Variants in ADAMTS18 observed in about 807,000 individuals in gnomAD.
ADAMTS18 encodes the protein A disintegrin and metalloproteinase with thrombospondin motifs 18.
ADAMTS18 carries 157 observed loss-of-function variants against 165.9 expected under a neutral mutation model. The ratio of observed to expected loss-of-function variants is 0.95; its 90% CI spans 0.83 to 1.08. The LOEUF is 1.08. ADAMTS18 is among the 50% of genes least tolerant of loss of function. The pLI, the probability that ADAMTS18 is intolerant of heterozygous loss-of-function variation, is 0.00. For missense variants in ADAMTS18, 2,040 were observed against 1,534.0 expected (o/e 1.33, Z -5.51); for synonymous variants, 782 against 578.2 (o/e 1.35, Z -5.06).
intron 11 of ADAMTS18, among the ~76,000 whole-genome samples, chr16:77,339,647 G>C (rs116536717): frequency 0.013 from 1,887 of 149,868 alleles, 36 homozygotes; most frequent in African/African-American, 0.044. Flanking sequence ...TCTAAGTTGT[G>C]ATGCCTCAAA....
rs889706 is a variant in ADAMTS18 at position 77,283,694 on chromosome 16, T to C, written c.*262A>G. Reference sequence around the variant, plus strand: ...AGTGTGATTCACCACTTCTTGCATATAACAGTGCAAATCAAAGATTTTTTT... The same window carrying C: ...AGTGTGATTCACCACTTCTTGCATACAACAGTGCAAATCAAAGATTTTTTT... On this transcript the variant is annotated 3_prime_UTR_variant, in exon 23 of 23. Coordinates refer to ENST00000282849, the MANE Select transcript of ADAMTS18 (RefSeq NM_199355.4). 0.14 allele frequency: 64,331 copies of C among 454,272 alleles called. 5,228 individuals carry two copies. Among genetic ancestry groups the C allele is most frequent in the African/African-American group, 0.25 (12,745 of 50,262 alleles). The allele number at this position is 454,272 out of a possible 1,614,324, so 28.1% of individuals were successfully genotyped here. A position where few individuals can be genotyped will look rare whatever the true frequency, so the allele number is the denominator to read the frequency against.
At chr16:77,299,345 A>T (rs1057449024) in intron 17 of ADAMTS18, among the ~76,000 whole-genome samples, 1 of 152,268 alleles carries the variant, frequency 6.6e-6, no homozygotes, top group Non-Finnish European at 1.5e-5. Context: ...GGGTATTACT[A>T]GAAAATGTAT....
At chr16:77,355,284 C>G (rs936107252) in intron 9 of ADAMTS18, among the ~76,000 whole-genome samples, 1 of 150,352 alleles carries the variant, frequency 6.7e-6, no homozygotes, top group African/African-American at 2.4e-5. Context: ...TACAACTTTC[C>G]AAACTCCTAC....
At chr16:77,298,871 C>G (rs7206251) in intron 17 of ADAMTS18, among the ~76,000 whole-genome samples, 3,817 of 152,306 alleles carry the variant, frequency 0.025, 173 homozygotes, top group African/African-American at 0.087. Context: ...CATCTGAATT[C>G]TTTTTCTCTT....
intron 4 of ADAMTS18, among the ~76,000 whole-genome samples, chr16:77,364,832 G>A (rs944899607): frequency 1.3e-5 from 2 of 151,938 alleles, no homozygotes; most frequent in African/African-American, 2.4e-5. Flanking sequence ...TAGGCCAGGC[G>A]TGGTGGCTCA....
chr16:77,364,436 C>T (rs368989899), intron 4 of ADAMTS18, 55 bp from the exon 5 acceptor site: 25 of 1,569,946 alleles, frequency 1.6e-5, no homozygotes, highest in African/African-American at 6.8e-5. Flanking sequence ...CTGGATAAGA[C>T]AGTTGAGAGA....
chr16:77,342,616 T>C (rs778242780), intron 10 of ADAMTS18, among the ~76,000 whole-genome samples: 2 of 152,198 alleles, frequency 1.3e-5, no homozygotes, highest in Non-Finnish European at 2.9e-5. Context: ...ATTGCAGTTT[T>C]CAAATATGTA....
chr16:77,293,630 T>A (rs1042533537), intron 19 of ADAMTS18, among the ~76,000 whole-genome samples: 2 of 151,700 alleles, frequency 1.3e-5, no homozygotes, highest in African/African-American at 2.4e-5. Flanking sequence ...AACGTATCAG[T>A]CTCCAATTTC....
intron 9 of ADAMTS18, among the ~76,000 whole-genome samples, chr16:77,354,970 A>C (rs900277226): frequency 6.6e-6 from 1 of 152,124 alleles, no homozygotes; most frequent in Non-Finnish European, 1.5e-5. Flanking sequence ...AAGTCTGTTG[A>C]TTTTTTACCA....
chr16:77,292,953 C>G (rs1167522169), intron 20 of ADAMTS18, 123 bp downstream of exon 20: 1 of 1,195,038 alleles, frequency 8.4e-7, no homozygotes, highest in Non-Finnish European at 1.2e-6. Context: ...CCCAGTAGAT[C>G]AGACTACAGG....
At chr16:77,320,975 T>C in intron 15 of ADAMTS18, 104 bp downstream of exon 15, 1 of 1,368,558 alleles carries the variant, frequency 7.3e-7, no homozygotes, top group East Asian at 2.3e-5. Context: ...CACTAGTGTG[T>C]CCAGTGAACT....
At chr16:77,315,999 C>G (rs2144628173) in intron 16 of ADAMTS18, among the ~76,000 whole-genome samples, 1 of 152,284 alleles carries the variant, frequency 6.6e-6, no homozygotes, top group Non-Finnish European at 1.5e-5. Context: ...AAACCATCCT[C>G]CAGATGCTCA....
At chr16:77,410,292 G>GAAAAAAA (rs11376240) in intron 3 of ADAMTS18, among the ~76,000 whole-genome samples, 1 of 141,276 alleles carries the variant, frequency 7.1e-6, no homozygotes. Context: ...ACCCAAATTT[G>GAAAAAAA]AAAAAAAAAA....
rs546725616 is a variant in ADAMTS18, at chr16:77,391,553, A to T, written c.496-23830T>A. On this transcript the variant is annotated intron_variant, in intron 3 of 22. Coordinates refer to ENST00000282849, the MANE Select transcript of ADAMTS18 (RefSeq NM_199355.4). ...CTGGAACCTGTCAATGTCAAATAAC[A>T]AGTAATTGTTTGAGTATTCCTAACA... 2.6e-5 allele frequency among the ~76,000 whole-genome samples: 4 copies of T among 152,222 alleles called. No homozygotes were observed. In the East Asian group the frequency reaches 7.7e-4, roughly 29 times the overall value.
intron 3 of ADAMTS18, among the ~76,000 whole-genome samples, chr16:77,427,106 G>A (rs951699541): frequency 1.3e-5 from 2 of 152,262 alleles, no homozygotes; most frequent in Middle Eastern, 3.4e-3. Context: ...TCAGATATTC[G>A]TATGCATCAG....
At chr16:77,339,318 A>T (rs1286114041) in intron 11 of ADAMTS18, among the ~76,000 whole-genome samples, 2 of 152,132 alleles carry the variant, frequency 1.3e-5, no homozygotes, top group African/African-American at 4.8e-5. Flanking sequence ...ATTACACTTA[A>T]GGGCTTTTCA....
At chr16:77,403,369 A>G (rs1188520971) in intron 3 of ADAMTS18, among the ~76,000 whole-genome samples, 1 of 152,190 alleles carries the variant, frequency 6.6e-6, no homozygotes, top group African/African-American at 2.4e-5. Flanking sequence ...AGAGTAAGCA[A>G]CTTTCTCAAT....
chr16:77,284,420 G>C (rs1223042529), intron 22 of ADAMTS18, among the ~76,000 whole-genome samples: 1 of 152,034 alleles, frequency 6.6e-6, no homozygotes, highest in Non-Finnish European at 1.5e-5. Flanking sequence ...GATCCACCGG[G>C]CCCAGCCTTT....
intron 3 of ADAMTS18, among the ~76,000 whole-genome samples, chr16:77,416,438 G>A (rs1312281829): frequency 6.6e-6 from 1 of 152,140 alleles, no homozygotes; most frequent in Non-Finnish European, 1.5e-5. Flanking sequence ...AGGGCCAGGT[G>A]GAGATAACTG....
Sources: gnomAD v4.1 joint callset for allele counts (sites outside exome capture counted in the v4.1 genomes callset) on GRCh38, gnomAD v4.1.1 for gene constraint, MANE v1.5 for transcripts, NCBI Gene and HGNC (gene_info 2026-07-23, HGNC 2026-07-21) for gene names.